CUBN: variants seen among roughly 807,000 people sequenced by gnomAD.
The protein encoded by CUBN is cubilin, also known as 460 kDa receptor.
CUBN carries 282 observed loss-of-function variants against 405.3 expected under a neutral mutation model. The observed-to-expected ratio is 0.70, with a 90% CI of 0.63 to 0.77. The LOEUF (loss-of-function observed/expected upper bound fraction) is 0.77. CUBN is among the 30% of genes least tolerant of loss of function. CUBN has a pLI of 0.00. For missense variants in CUBN, 4,514 were observed against 4,475.2 expected, an observed-to-expected ratio of 1.01 and a Z score of -0.25; for synonymous variants, 1,684 against 1,617.0, an observed-to-expected ratio of 1.04 and a Z score of -0.99.
At chr10:16,851,552 G>A (rs1404786943) in intron 59 of CUBN, 109 bp from the exon 60 acceptor site, 1 of 991,590 alleles carries the variant, frequency 1.0e-6, no homozygotes, top group East Asian at 2.5e-5. Flanking sequence ...CACACTCTGA[G>A]AACATGATCA....
At position 16,840,883 on chromosome 10, in the gene CUBN, A is replaced by G; in HGVS notation, c.9826+2T>C. 6.2e-7 allele frequency: 1 copy of G among 1,608,294 alleles called. No individual in the cohort carries two copies. Among genetic ancestry groups the G allele is most frequent in the Non-Finnish European group, 8.5e-7 (1 of 1,175,888 alleles). On this transcript the variant is annotated splice_donor_variant, in intron 61 of 66. Transcript: ENST00000377833. LOFTEE classifies it high-confidence loss of function. ...CATATAAAAATGCTTCTATTTACTC[A>G]CTGTCCATGATGGTGTATGTAGCAT...
chr10:17,096,670 TAG>T (rs1836381218), intron 14 of CUBN, among the ~76,000 whole-genome samples: 1 of 152,074 alleles, frequency 6.6e-6, no homozygotes, highest in Non-Finnish European at 1.5e-5. Flanking sequence ...TTAATATAGG[TAG>T]AGGACTACAT....
At chr10:17,011,462 T>A (rs1169727223) in intron 28 of CUBN, among the ~76,000 whole-genome samples, 1 of 152,116 alleles carries the variant, frequency 6.6e-6, no homozygotes, top group Non-Finnish European at 1.5e-5. Context: ...TCTTGCTGAC[T>A]TCAGGAATGA....
At chr10:16,946,011 T>C (rs946050660) in intron 36 of CUBN, among the ~76,000 whole-genome samples, 3 of 152,274 alleles carry the variant, frequency 2.0e-5, no homozygotes, top group African/African-American at 7.2e-5. Context: ...TAGCAAGTCT[T>C]GGAAGAAAAG....
rs565167701 is a variant in CUBN, at chr10:17,103,935, C to A, written c.1417+484G>T. 2.2e-4 allele frequency among the ~76,000 whole-genome samples: 33 copies of A among 152,128 alleles called. No homozygotes were observed. In the South Asian group the frequency reaches 6.8e-3, roughly 32 times the overall value. On this transcript the variant is annotated intron_variant, in intron 12 of 66. Transcript: ENST00000377833. ...AAAACTTGCTTGAGTGAAGTTATTTCTAGGGAACTAGTGAAAAAAAAGGTT... is the reference window on the plus strand; with the variant it reads ...AAAACTTGCTTGAGTGAAGTTATTTATAGGGAACTAGTGAAAAAAAAGGTT...
At chr10:17,105,323 G>A in intron 11 of CUBN, 134 bp downstream of exon 11, 1 of 746,140 alleles carries the variant, frequency 1.3e-6, no homozygotes, top group East Asian at 2.5e-5. Context: ...TCTTTCATCT[G>A]AGAGTTCTCG....
At position 17,129,156 on chromosome 10, in the gene CUBN, A is replaced by G; in HGVS notation, c.217T>C (p.Leu73=). 1 of 1,613,360 alleles carries G rather than the reference A, an allele frequency of 6.2e-7. No homozygotes were observed. The highest frequency in any genetic ancestry group is 8.5e-7 in the Non-Finnish European group (1 of 1,179,318). ...FRTGSLGKIK[L]NDEDLSECLH... ...CACTCACTGAGATCTTCATCATTTA[A>G]TTTAATTTTTCCCAGGGATCCGGTT... Residue 73 remains leucine, a synonymous_variant, in exon 2 of 67, where the codon TTA becomes CTA. Transcript: ENST00000377833.
Position 16,961,513 on chromosome 10 carries a change from T to C in CUBN, c.4696-6965A>G, listed in dbSNP as rs998267943. ...GTGTGAGACCAACATCCCTTCCTGG[T>C]GGCATTTCTAGTTCTGGAGGCCTGT... On this transcript the variant is annotated intron_variant, in intron 31 of 66. Transcript: ENST00000377833. Among the ~76,000 whole-genome samples the C allele has an allele frequency of 3.3e-5, 5 of 152,314 alleles. No individual in the cohort carries two copies. The South Asian group carries it at 1.0e-3, about 32-fold the overall frequency.
intron 22 of CUBN, among the ~76,000 whole-genome samples, chr10:17,059,416 G>C (rs1289415817): frequency 1.3e-5 from 2 of 152,090 alleles, no homozygotes; most frequent in African/African-American, 4.8e-5. Flanking sequence ...GGAGACTCTA[G>C]ATTATGGGGA....
chr10:16,915,122 T>C lies in CUBN; in HGVS notation c.7261A>G (p.Thr2421Ala). 1 of 1,614,052 alleles carries C rather than the reference T, an allele frequency of 6.2e-7. No homozygotes were observed. The highest frequency in any genetic ancestry group is 8.5e-7 in the Non-Finnish European group (1 of 1,179,928). ...CGNTIPDSIDTSSNTAVVRFV... is the reference protein window; with the variant it reads ...CGNTIPDSIDASSNTAVVRFV... The stretch of plus-strand genomic sequence containing the variant: ...CTGACCACAGCAGTATTGCTAGAAG[T>C]GTCTATGCTGTCAGGAATGGTGTTT... The change falls in exon 47 of 67, where the codon ACT (threonine) becomes GCT (alanine). Residue 2421 changes from threonine (T) to alanine (A), a missense_variant. Coordinates refer to ENST00000377833, the MANE Select transcript of CUBN (RefSeq NM_001081.4).
intron 59 of CUBN, among the ~76,000 whole-genome samples, 170 bp from the exon 60 acceptor site, chr10:16,851,613 T>G (rs1474181170): frequency 6.6e-6 from 1 of 151,530 alleles, no homozygotes; most frequent in Non-Finnish European, 1.5e-5. Flanking sequence ...TTTTCTTTTC[T>G]TTCTTCCTTC....
Position 16,900,831 on chromosome 10 carries a change from T to G in CUBN, c.8204A>C (p.Asp2735Ala), listed in dbSNP as rs558369938. 4.3e-6 allele frequency: 7 copies of G among 1,613,422 alleles called. No homozygotes were observed. The Admixed American group carries it at 1.2e-4, about 27-fold the overall frequency. The change falls in exon 53 of 67, where the codon GAT (aspartate) becomes GCT (alanine). Residue 2735 changes from aspartate to alanine, a missense_variant. Asp to Ala is a moderately radical substitution (Grantham distance 126). Coordinates refer to ENST00000377833, the MANE Select transcript of CUBN (RefSeq NM_001081.4). The stretch of plus-strand genomic sequence containing the variant: ...AGCACAAGTTGTATGGGGTTCAATA[T>G]CAAAGTCACTAAATGTGAGCTGCAG... ...HTITLTFSDF[D>A]IEPHTTCAWD...
chr10:16,869,877 C>A (rs374119308), intron 58 of CUBN, 24 bp from the exon 59 acceptor site: 23 of 1,508,886 alleles, frequency 1.5e-5, no homozygotes, highest in Non-Finnish European at 2.0e-5. Flanking sequence ...CTTGTTAATA[C>A]TGATGTTTCC....
Position 17,041,103 on chromosome 10 carries a change from T to C in CUBN, c.3947A>G (p.Asn1316Ser), listed in dbSNP as rs1408489197. Reference protein sequence around the residue: ...CNWTIRATTGNTVNYTFLAFD... With the variant: ...CNWTIRATTGSTVNYTFLAFD... ...TGCTAAAAATGTGTAGTTCACAGTG[T>C]TGCCTGTTGTTGCCCGGATGGTCCA... The change falls in exon 27 of 67, where the codon AAC becomes AGC. Residue 1316 changes from asparagine (N) to serine (S), a missense_variant. Asn to Ser is a conservative substitution (Grantham distance 46, BLOSUM62 1). Around this residue, in one of 5 missense-constraint regions of CUBN, gnomAD observed 242 missense variants for 309.0 expected, o/e 0.78. Transcript: ENST00000377833. 2 of 1,613,504 alleles carry C rather than the reference T, an allele frequency of 1.2e-6. No homozygotes were observed. Among genetic ancestry groups the C allele is most frequent in the South Asian group, 1.1e-5 (1 of 91,050 alleles).
chr10:17,073,860 T>C (rs930540025), intron 17 of CUBN, among the ~76,000 whole-genome samples: 1 of 152,214 alleles, frequency 6.6e-6, no homozygotes, highest in African/African-American at 2.4e-5. Flanking sequence ...CAAGTTACTC[T>C]ATCTAAGCTC....
Position 16,826,090 on chromosome 10 carries a change from C to T in CUBN, c.10765-1008G>A, listed in dbSNP as rs190850271. Among the ~76,000 whole-genome samples the T allele has an allele frequency of 1.5e-4, 23 of 152,106 alleles. 1 individual carries two copies. In the East Asian group the frequency reaches 4.4e-3, roughly 29 times the overall value. ...ATCTCCTTTGATTCTCCTTGTTTGT[C>T]CCGTTATTCTCTCATTTGCTAGATC... On this transcript the variant is annotated intron_variant, in intron 66 of 66. Coordinates refer to ENST00000377833, the MANE Select transcript of CUBN (RefSeq NM_001081.4).
intron 59 of CUBN, among the ~76,000 whole-genome samples, chr10:16,856,186 T>C (rs1011008765): frequency 3.3e-5 from 5 of 152,200 alleles, no homozygotes; most frequent in African/African-American, 7.2e-5. Flanking sequence ...AACCTTGATA[T>C]GTTTAGCATC....
chr10:16,979,874 G>A (rs1416050420), intron 31 of CUBN, among the ~76,000 whole-genome samples: 1 of 152,106 alleles, frequency 6.6e-6, no homozygotes, highest in Non-Finnish European at 1.5e-5. Flanking sequence ...CTTCTTCATA[G>A]CAAAAGAAAC....
intron 59 of CUBN, among the ~76,000 whole-genome samples, chr10:16,852,141 C>T (rs1839725974): frequency 8.6e-6 from 1 of 116,812 alleles, no homozygotes; most frequent in Non-Finnish European, 1.8e-5. Context: ...CCATCTTTCC[C>T]TCCCTCACTC....
Sources: allele counts gnomAD v4.1 joint callset (sites outside exome capture counted in the v4.1 genomes callset), GRCh38; gene constraint gnomAD v4.1.1; regional missense constraint gnomAD v4.1.1; transcripts MANE v1.5; gene names NCBI Gene and HGNC (gene_info 2026-07-23, HGNC 2026-07-21).